ZNF865: variants seen among roughly 807,000 people sequenced by gnomAD.
The protein encoded by ZNF865 is zinc finger protein 865.
For synonymous variants in ZNF865, 763 were observed against 750.8 expected (o/e 1.02, Z -0.27); for missense variants, 1,311 against 1,593.4 (o/e 0.82, Z 3.02).
chr19:55,606,666 A>AAGACCCTGGACTTCACTAGGGT (rs1980955670), intron 1 of ZNF865, among the ~76,000 whole-genome samples: 1 of 152,194 alleles, frequency 6.6e-6, no homozygotes, highest in Non-Finnish European at 1.5e-5. Flanking sequence ...CTCCCTAGGG[A>AAGACCCTGGACTTCACTAGGGT]AGACCCTGGA....
intron 1 of ZNF865, among the ~76,000 whole-genome samples, chr19:55,605,962 G>A (rs1451902858): frequency 6.6e-6 from 1 of 152,054 alleles, no homozygotes; most frequent in African/African-American, 2.4e-5. Flanking sequence ...TTCATTCGTG[G>A]CGATCCCCTA....
Position 55,608,157 on chromosome 19 carries a change from T to G in ZNF865, c.-27+2425T>G, listed in dbSNP as rs561284636. Among the ~76,000 whole-genome samples, 10 of 152,014 alleles carry G rather than the reference T, an allele frequency of 6.6e-5. No homozygotes were observed. The East Asian group carries it at 1.9e-3, about 29-fold the overall frequency. On this transcript the variant is annotated intron_variant, in intron 1 of 1. Transcript: ENST00000568956. Reference sequence around the variant, plus strand: ...CATTGAGAAGACAGTTGACCAAAGATGGGGAGGAGGTGAAGGGGTGAGCGA... The same window carrying G: ...CATTGAGAAGACAGTTGACCAAAGAGGGGGAGGAGGTGAAGGGGTGAGCGA...
chr19:55,615,556 A>C lies in ZNF865; in HGVS notation c.1938A>C (p.Gln646His), dbSNP rs1273821992. 21 of 1,522,826 alleles carry C rather than the reference A, an allele frequency of 1.4e-5. No individual in the cohort carries two copies. The highest frequency in any genetic ancestry group is 1.8e-5 in the Non-Finnish European group (21 of 1,140,888). 94.3% of individuals were successfully genotyped at this position (1,522,826 alleles called of 1,614,324 possible). Residue 646 changes from glutamine to histidine, a missense_variant, in exon 2 of 2, where the codon CAA becomes CAC. Physicochemically the swap from Gln to His is conservative, Grantham distance 24. Coordinates refer to ENST00000568956, the MANE Select transcript of ZNF865 (RefSeq NM_001195605.2). ...LAGAAGLPST[Q>H]GTPGACGPGA... ...GGGCAGCCGGCCTCCCCTCCACCCA[A>C]GGCACACCGGGGGCCTGTGGGCCCG...
chr19:55,614,730 T>C lies in ZNF865; in HGVS notation c.1112T>C (p.Ile371Thr). 6.3e-7 allele frequency: 1 copy of C among 1,587,134 alleles called. No homozygotes were observed. ...KPSHLHQHQIIHTGEKPFSCS... is the reference protein window; with the variant it reads ...KPSHLHQHQITHTGEKPFSCS... ...AGTCACCTCCACCAGCACCAGATCATCCACACGGGCGAGAAGCCCTTCTCC... is the reference window on the plus strand; with the variant it reads ...AGTCACCTCCACCAGCACCAGATCACCCACACGGGCGAGAAGCCCTTCTCC... Residue 371 changes from isoleucine to threonine, a missense_variant, in exon 2 of 2, where the codon ATC becomes ACC. Physicochemically the swap from Ile to Thr is moderately conservative, Grantham distance 89 (BLOSUM62 -1). Coordinates refer to ENST00000568956, the MANE Select transcript of ZNF865 (RefSeq NM_001195605.2). This position sits in a 1 kb window ranked among gnomAD's most constrained non-coding sequence, Gnocchi z 8.0.
rs532671351 is a variant in ZNF865 at position 55,607,267 on chromosome 19, A to G, written c.-27+1535A>G. Among the ~76,000 whole-genome samples the G allele has an allele frequency of 4.5e-4, 68 of 152,246 alleles. 1 individual carries two copies. Among genetic ancestry groups the G allele is most frequent in the Middle Eastern group, 6.8e-3 (2 of 294 alleles). ...AAAATAGACAAGAATCCCTGTCCTCATGGAGTGGATATGCTAGTTGAGGGG... is the reference window on the plus strand; with the variant it reads ...AAAATAGACAAGAATCCCTGTCCTCGTGGAGTGGATATGCTAGTTGAGGGG... On this transcript the variant is annotated intron_variant, in intron 1 of 1. Coordinates refer to ENST00000568956, the MANE Select transcript of ZNF865 (RefSeq NM_001195605.2).
rs1401251422 is a variant in ZNF865 at position 55,615,144 on chromosome 19, CCGCGGCGGCGGTGGT to C, written c.1527_1541del (p.Ala510_Val514del). On this transcript the variant is annotated inframe_deletion, in exon 2 of 2. Transcript: ENST00000568956. ...ACAGACAGCGAGAAGGCGGCGGCGG[CCGCGGCGGCGGTGGT>C]GTACGGCGCTGTGCCCGTCCCGCTC... 1.6e-5 allele frequency: 19 copies of C among 1,192,406 alleles called. No homozygotes were observed. Among genetic ancestry groups the C allele is most frequent in the Non-Finnish European group, 2.0e-5 (19 of 962,250 alleles). The allele number at this position is 1,192,406 out of a possible 1,614,324, so 73.9% of individuals were successfully genotyped here.
intron 1 of ZNF865, among the ~76,000 whole-genome samples, chr19:55,608,716 T>C (rs1048400155): frequency 2.0e-5 from 3 of 151,598 alleles, no homozygotes; most frequent in African/African-American, 7.3e-5. Context: ...GGAATAATAA[T>C]AACACATTTG....
In ZNF865 at chr19:55,614,827, C is replaced by T. The variant is rs770574398; in HGVS notation, c.1209C>T (p.Asp403=). The part of the protein sequence containing the change: ...LKRHVKTHSA[D]LLRLPCGICG... Reference sequence around the variant, plus strand: ...GCCACGTGAAGACGCACTCGGCCGACCTCCTGCGCCTGCCCTGCGGCATCT... The same window carrying T: ...GCCACGTGAAGACGCACTCGGCCGATCTCCTGCGCCTGCCCTGCGGCATCT... The change falls in exon 2 of 2, where the codon GAC becomes GAT. Residue 403 remains aspartate (D), a synonymous_variant. Coordinates refer to ENST00000568956, the MANE Select transcript of ZNF865 (RefSeq NM_001195605.2). The surrounding 1 kb of genome is among the most constrained non-coding windows in gnomAD (Gnocchi z 8.0). 1.3e-6 allele frequency: 2 copies of T among 1,536,034 alleles called. No homozygotes were observed. Among genetic ancestry groups the T allele is most frequent in the Non-Finnish European group, 1.7e-6 (2 of 1,147,696 alleles).
chr19:55,608,596 G>C (rs1365642907), intron 1 of ZNF865, among the ~76,000 whole-genome samples: 1 of 152,132 alleles, frequency 6.6e-6, no homozygotes, highest in East Asian at 1.9e-4. Flanking sequence ...TTACAGGCGT[G>C]AGCCACCGTG....
At chr19:55,606,228 C>T (rs1980936186) in intron 1 of ZNF865, among the ~76,000 whole-genome samples, 1 of 152,118 alleles carries the variant, frequency 6.6e-6, no homozygotes, top group Non-Finnish European at 1.5e-5. Flanking sequence ...CCCTGACCAC[C>T]TCCCTCCCCA....
rs969463523 is a variant in ZNF865, at chr19:55,613,984, C to G, written c.366C>G (p.Pro122=). The G allele has an allele frequency of 6.6e-7, 1 of 1,525,064 alleles. No individual in the cohort carries two copies. The highest frequency in any genetic ancestry group is 8.8e-7 in the Non-Finnish European group (1 of 1,141,136). 94.5% of individuals were successfully genotyped at this position (1,525,064 alleles called of 1,614,324 possible). ...CTTCCTCTTCCCAAGCCAAGAAGCCCGATCCGCCCCTGCCGCCCGCCTTCG... is the reference window on the plus strand; with the variant it reads ...CTTCCTCTTCCCAAGCCAAGAAGCCGGATCCGCCCCTGCCGCCCGCCTTCG... The part of the protein sequence containing the change: ...SSSSSSQAKK[P]DPPLPPAFGA... Residue 122 remains proline, a synonymous_variant, in exon 2 of 2, where the codon CCC becomes CCG. Coordinates refer to ENST00000568956, the MANE Select transcript of ZNF865 (RefSeq NM_001195605.2).
In ZNF865 at chr19:55,614,289, TC is replaced by T; in HGVS notation, c.675del (p.Cys226AlafsTer168). On this transcript the variant is annotated frameshift_variant, in exon 2 of 2. Coordinates refer to ENST00000568956, the MANE Select transcript of ZNF865 (RefSeq NM_001195605.2). LOFTEE classifies it low-confidence loss of function (END_TRUNC). This position sits in a 1 kb window ranked among gnomAD's most constrained non-coding sequence, Gnocchi z 8.0. ...CTGAAGTACCTGATGGAGCGGCGCT[TC>T]CCCTGCGGCGTGTGCCAGAAGTCCT... is the stretch of plus-strand genomic sequence containing the variant. ...RRLKYLMERR[F>X]PCGVCQKSFK... The T allele has an allele frequency of 6.6e-7, 1 of 1,512,038 alleles. No individual in the cohort carries two copies. The highest frequency in any genetic ancestry group is 8.8e-7 in the Non-Finnish European group (1 of 1,135,496). 93.7% of individuals were successfully genotyped at this position (1,512,038 alleles called of 1,614,324 possible).
chr19:55,606,805 G>A (rs559286322), intron 1 of ZNF865, among the ~76,000 whole-genome samples: 35 of 152,322 alleles, frequency 2.3e-4, no homozygotes, highest in African/African-American at 7.7e-4. Context: ...CTCACTGTGC[G>A]GGGTCTCACA....
chr19:55,607,023 C>T (rs1034870247), intron 1 of ZNF865, among the ~76,000 whole-genome samples: 3 of 152,020 alleles, frequency 2.0e-5, no homozygotes, highest in African/African-American at 7.3e-5. Flanking sequence ...CAGGGGAGGC[C>T]GGTGAGGGTG....
rs1414534911 is a variant in ZNF865, at chr19:55,616,028, T to A, written c.2410T>A (p.Phe804Ile). 1 of 1,525,974 alleles carries A rather than the reference T, an allele frequency of 6.6e-7. No homozygotes were observed. Among genetic ancestry groups the A allele is most frequent in the Admixed American group, 2.0e-5 (1 of 50,314 alleles). The allele number at this position is 1,525,974 out of a possible 1,614,324, so 94.5% of individuals were successfully genotyped here. A position where few individuals can be genotyped will look rare whatever the true frequency, so the allele number is the denominator to read the frequency against. ...CACGTGCGGCCAGAGTTTCAAGCAC[T>A]TCCTGGGCCTCGTGACTCACAAGTA... The part of the protein sequence containing the change: ...CATCGQSFKH[F>I]LGLVTHKYVH... Residue 804 changes from phenylalanine to isoleucine, a missense_variant, in exon 2 of 2, where the codon TTC becomes ATC. Phe to Ile is a conservative substitution (Grantham distance 21, BLOSUM62 0). Coordinates refer to ENST00000568956, the MANE Select transcript of ZNF865 (RefSeq NM_001195605.2).
Position 55,613,634 on chromosome 19 carries a change from G to C in ZNF865, c.16G>C (p.Ala6Pro). Residue 6 changes from alanine to proline, a missense_variant, in exon 2 of 2, where the codon GCG (alanine) becomes CCG (proline). Ala to Pro is a conservative substitution (Grantham distance 27). Coordinates refer to ENST00000568956, the MANE Select transcript of ZNF865 (RefSeq NM_001195605.2). ...CCCGCCGGAGATGGAGGCGAACCCAGCGGGCAGCGGCGCCGGGGGTGGCGG... is the reference window on the plus strand; with the variant it reads ...CCCGCCGGAGATGGAGGCGAACCCACCGGGCAGCGGCGCCGGGGGTGGCGG... MEANPAGSGAGGGGSS... is the reference protein window; with the variant it reads MEANPPGSGAGGGGSS... 1 of 1,521,628 alleles carries C rather than the reference G, an allele frequency of 6.6e-7. No individual in the cohort carries two copies. 94.3% of individuals were successfully genotyped at this position (1,521,628 alleles called of 1,614,324 possible).
At position 55,616,753 on chromosome 19, in the gene ZNF865, G is replaced by A; in HGVS notation, c.3135G>A (p.Gly1045=). The A allele has an allele frequency of 1.4e-6, 2 of 1,473,144 alleles. No homozygotes were observed. Among genetic ancestry groups the A allele is most frequent in the Non-Finnish European group, 1.8e-6 (2 of 1,116,386 alleles). The allele number at this position is 1,473,144 out of a possible 1,614,324, so 91.3% of individuals were successfully genotyped here. Residue 1045 remains glycine, a synonymous_variant, in exon 2 of 2, where the codon GGG becomes GGA. Coordinates refer to ENST00000568956, the MANE Select transcript of ZNF865 (RefSeq NM_001195605.2). The part of the protein sequence containing the change: ...HRLAHKAENL[G]GPGAGAGTLA... ...TGGCGCACAAGGCCGAGAACCTCGG[G>A]GGGCCTGGAGCAGGGGCGGGCACCT...
chr19:55,615,925 G>C lies in ZNF865; in HGVS notation c.2307G>C (p.Gly769=). 4 of 1,497,118 alleles carry C rather than the reference G, an allele frequency of 2.7e-6. No homozygotes were observed. Among genetic ancestry groups the C allele is most frequent in the Non-Finnish European group, 3.5e-6 (4 of 1,129,536 alleles). The allele number at this position is 1,497,118 out of a possible 1,614,324, so 92.7% of individuals were successfully genotyped here. The part of the protein sequence containing the change: ...AAVAALAGVS[G]GEDAGGAAVA... ...TGGCGGCACTGGCAGGGGTGTCTGG[G>C]GGTGAGGACGCAGGCGGGGCGGCGG... is the stretch of plus-strand genomic sequence containing the variant. Residue 769 remains glycine (G), a synonymous_variant, in exon 2 of 2, where the codon GGG becomes GGC. Transcript: ENST00000568956.
intron 1 of ZNF865, among the ~76,000 whole-genome samples, chr19:55,608,422 C>A (rs913976615): frequency 2.7e-5 from 4 of 147,098 alleles, no homozygotes; most frequent in Non-Finnish European, 5.9e-5. Context: ...TCAAGTGATT[C>A]TCCTGCCTCA....
Sources: allele counts gnomAD v4.1 joint callset (sites outside exome capture counted in the v4.1 genomes callset), GRCh38; gene constraint gnomAD v4.1.1; non-coding constraint Gnocchi (gnomAD v3.1); transcripts MANE v1.5; gene names NCBI Gene and HGNC (gene_info 2026-07-23, HGNC 2026-07-21).